Variants in NFYA observed in about 807,000 individuals in gnomAD.
NFYA encodes CAAT-box DNA binding protein subunit A.
A neutral mutation model predicts 52.8 loss-of-function variants in NFYA; 28 were observed. That is an observed-to-expected ratio of 0.53 (90% CI 0.39 to 0.73). The LOEUF (loss-of-function observed/expected upper bound fraction) is 0.73. NFYA is among the 30% of genes least tolerant of loss of function. The probability of loss-of-function intolerance (pLI) is 0.00; values close to 1 mark genes in which losing one functional copy is unlikely to be tolerated. For synonymous variants in NFYA, 150 were observed against 150.7 expected, an observed-to-expected ratio of 1.00 and a Z score of 0.03; for missense variants, 234 against 427.0, an observed-to-expected ratio of 0.55 and a Z score of 3.98.
chr6:41,094,591 C>A (rs1248361540), intron 9 of NFYA, 94 bp downstream of exon 9: 4 of 853,482 alleles, frequency 4.7e-6, no homozygotes, highest in Non-Finnish European at 7.7e-6. Context: ...TTTTCCTACT[C>A]TGGGACTACT....
At position 41,097,517 on chromosome 6, in the gene NFYA, C is replaced by T. The variant is rs939377483; in HGVS notation, c.*107C>T. On this transcript the variant is annotated 3_prime_UTR_variant, in exon 10 of 10. Coordinates refer to ENST00000341376, the MANE Select transcript of NFYA (RefSeq NM_002505.5). ...GATGATCACATTCTGCCCTTTACTACAGGACAGAAACCACTTAGTTTTTAA... is the reference window on the plus strand; with the variant it reads ...GATGATCACATTCTGCCCTTTACTATAGGACAGAAACCACTTAGTTTTTAA... 1.7e-6 allele frequency: 2 copies of T among 1,194,434 alleles called. No homozygotes were observed. The highest frequency in any genetic ancestry group is 2.4e-6 in the Non-Finnish European group (2 of 823,626). 74.0% of individuals were successfully genotyped at this position (1,194,434 alleles called of 1,614,324 possible). A position where few individuals can be genotyped will look rare whatever the true frequency, so the allele number is the denominator to read the frequency against.
At chr6:41,085,045 A>G (rs964498884) in intron 4 of NFYA, among the ~76,000 whole-genome samples, 4 of 152,222 alleles carry the variant, frequency 2.6e-5, no homozygotes, top group South Asian at 2.1e-4. Context: ...GATATTTCTC[A>G]TCGAGATGGC....
At chr6:41,097,276 T>A in intron 9 of NFYA, 81 bp from the exon 10 acceptor site, 2 of 1,291,676 alleles carry the variant, frequency 1.5e-6, no homozygotes, top group Non-Finnish European at 2.2e-6. Context: ...GTGTATTCTC[T>A]TGGGGGGATA....
rs773041871 is a variant in NFYA, at chr6:41,093,042, G to A, written c.845G>A (p.Arg282Gln). The change falls in exon 8 of 10, where the codon CGA becomes CAA. Residue 282 changes from arginine to glutamine, a missense_variant. By Grantham distance (43) the Arg-to-Gln change is conservative (BLOSUM62 1). Around this residue, in one of 3 missense-constraint regions of NFYA, gnomAD observed 81 missense variants for 210.5 expected, o/e 0.38. Transcript: ENST00000341376. ...YHRILKRRQA[R>Q]AKLEAEGKIP... Reference sequence around the variant, plus strand: ...CGTATTCTTAAGAGGAGGCAAGCCCGAGCTAAACTAGAGGCAGAAGGGAAA... The same window carrying A: ...CGTATTCTTAAGAGGAGGCAAGCCCAAGCTAAACTAGAGGCAGAAGGGAAA... The A allele has an allele frequency of 1.2e-6, 2 of 1,614,086 alleles. No individual in the cohort carries two copies. The highest frequency in any genetic ancestry group is 1.7e-6 in the Non-Finnish European group (2 of 1,180,016).
intron 4 of NFYA, among the ~76,000 whole-genome samples, chr6:41,085,247 AG>A (rs1764013841): frequency 6.6e-6 from 1 of 152,222 alleles, no homozygotes; most frequent in Non-Finnish European, 1.5e-5. Flanking sequence ...AAGCATCAAT[AG>A]TAGGGGGAAA....
intron 1 of NFYA, 66 bp from the exon 2 acceptor site, chr6:41,078,963 G>A: frequency 1.5e-6 from 1 of 688,344 alleles, no homozygotes; most frequent in South Asian, 2.0e-5. Context: ...AATTATCCAG[G>A]TTAATTGTCT....
intron 1 of NFYA, 104 bp downstream of exon 1, chr6:41,073,188 CG>C: frequency 6.6e-6 from 1 of 152,350 alleles, no homozygotes; most frequent in Non-Finnish European, 1.5e-5. Flanking sequence ...CCGTCGAGCC[CG>C]GGGAGTCGAG....
At chr6:41,085,795 G>T (rs1226709322) in intron 4 of NFYA, among the ~76,000 whole-genome samples, 1 of 151,554 alleles carries the variant, frequency 6.6e-6, no homozygotes, top group Admixed American at 6.6e-5. Context: ...TCAACTTGAT[G>T]AATCAGAATT....
At chr6:41,077,404 G>A (rs1345001308) in intron 1 of NFYA, among the ~76,000 whole-genome samples, 1 of 152,134 alleles carries the variant, frequency 6.6e-6, no homozygotes, top group East Asian at 1.9e-4. Flanking sequence ...CTGTCTCCCT[G>A]TATTCTCCAC....
At position 41,100,718 on chromosome 6, in the gene NFYA, G is replaced by A. The variant is rs1276610343; in HGVS notation, c.*3308G>A. Among the ~76,000 whole-genome samples, 1 of 152,196 alleles carries A rather than the reference G, an allele frequency of 6.6e-6. No individual in the cohort carries two copies. ...CTGTGGTATGAGGGAAAGACCTCTC[G>A]ATATTTATCTCACACCAACGGCTTT... On this transcript the variant is annotated 3_prime_UTR_variant, in exon 10 of 10. Coordinates refer to ENST00000341376, the MANE Select transcript of NFYA (RefSeq NM_002505.5).
Position 41,093,944 on chromosome 6 carries a change from G to A in NFYA, c.889-452G>A, listed in dbSNP as rs562212205. On this transcript the variant is annotated intron_variant, in intron 8 of 9. Coordinates refer to ENST00000341376, the MANE Select transcript of NFYA (RefSeq NM_002505.5). ...CAGAGGCAGGAGGATCACATGAGCC[G>A]AGGAATTCAAGGCTGCAGTGATTCA... 2.0e-3 allele frequency among the ~76,000 whole-genome samples: 306 copies of A among 152,284 alleles called. 1 individual carries two copies. The highest frequency in any genetic ancestry group is 2.6e-3 in the African/African-American group (109 of 41,570).
intron 1 of NFYA, among the ~76,000 whole-genome samples, chr6:41,074,947 G>A (rs1335152700): frequency 6.6e-6 from 1 of 151,446 alleles, no homozygotes; most frequent in Non-Finnish European, 1.5e-5. Context: ...AGTATCTGGT[G>A]CCCATTTCTA....
At chr6:41,080,939 C>T in intron 3 of NFYA, 42 bp downstream of exon 3, 1 of 1,479,142 alleles carries the variant, frequency 6.8e-7, no homozygotes, top group East Asian at 2.3e-5. Flanking sequence ...GCATGAACTT[C>T]TCCTCTCCTC....
At chr6:41,083,527 A>G (rs183896031) in intron 3 of NFYA, among the ~76,000 whole-genome samples, 100 of 152,340 alleles carry the variant, frequency 6.6e-4, no homozygotes, top group African/African-American at 2.1e-3. Context: ...CTGTAGGGAA[A>G]AAAGGGTCAT....
chr6:41,099,108 G>A lies in NFYA; in HGVS notation c.*1698G>A, dbSNP rs1211948075. 6.6e-6 allele frequency: 1 copy of A among 152,234 alleles called. No homozygotes were observed. The highest frequency in any genetic ancestry group is 6.5e-5 in the Admixed American group (1 of 15,286). The allele number at this position is 152,234 out of a possible 1,614,324, so 9.4% of individuals were successfully genotyped here. A position where few individuals can be genotyped will look rare whatever the true frequency, so the allele number is the denominator to read the frequency against. Reference sequence around the variant, plus strand: ...CAGAGCTATGCAAAGGAAACAGGAAGTGAAATATTCCTAGTCCCAGGGATC... The same window carrying A: ...CAGAGCTATGCAAAGGAAACAGGAAATGAAATATTCCTAGTCCCAGGGATC... On this transcript the variant is annotated 3_prime_UTR_variant, in exon 10 of 10. Transcript: ENST00000341376.
At chr6:41,078,336 C>T (rs1318694285) in intron 1 of NFYA, among the ~76,000 whole-genome samples, 1 of 152,162 alleles carries the variant, frequency 6.6e-6, no homozygotes, top group Non-Finnish European at 1.5e-5. Flanking sequence ...TAATGAGCAG[C>T]TCAGTTAGGT....
intron 4 of NFYA, among the ~76,000 whole-genome samples, chr6:41,088,782 T>C (rs745792169): frequency 9.1e-4 from 138 of 152,128 alleles, no homozygotes; most frequent in East Asian, 1.2e-3. Flanking sequence ...TACAGGGTTT[T>C]GCCATGTTGC....
Position 41,080,906 on chromosome 6 carries a change from C to T in NFYA, c.162+9C>T. 2 of 1,608,488 alleles carry T rather than the reference C, an allele frequency of 1.2e-6. No individual in the cohort carries two copies. The highest frequency in any genetic ancestry group is 1.7e-6 in the Non-Finnish European group (2 of 1,174,978). Reference sequence around the variant, plus strand: ...TCCAGACCCTCCAGGTAGTGGTACCCTCTCTGATTCTCTGTGAGCACTGCA... The same window carrying T: ...TCCAGACCCTCCAGGTAGTGGTACCTTCTCTGATTCTCTGTGAGCACTGCA... On this transcript the variant is annotated intron_variant, in intron 3 of 9. Coordinates refer to ENST00000341376, the MANE Select transcript of NFYA (RefSeq NM_002505.5).
In NFYA at chr6:41,098,057, C is replaced by CA. The variant is rs1764409042; in HGVS notation, c.*649dup. 6.5e-6 allele frequency: 1 copy of CA among 152,708 alleles called. No individual in the cohort carries two copies. The highest frequency in any genetic ancestry group is 6.5e-5 in the Admixed American group (1 of 15,282). 9.5% of individuals were successfully genotyped at this position (152,708 alleles called of 1,614,324 possible). On this transcript the variant is annotated 3_prime_UTR_variant, in exon 10 of 10. Transcript: ENST00000341376. ...TCTGGGGATAGAATGATAAAAGACT[C>CA]AAGCACTAAAAATATACATTGCCGA...
Sources: allele counts gnomAD v4.1 joint callset (sites outside exome capture counted in the v4.1 genomes callset), GRCh38; gene constraint gnomAD v4.1.1; regional missense constraint gnomAD v4.1.1; transcripts MANE v1.5; gene names NCBI Gene and HGNC (gene_info 2026-07-23, HGNC 2026-07-21).